The following C8orf34 variants were observed in gnomAD, a reference collection of about 807,000 sequenced individuals.
C8orf34 encodes uncharacterized protein C8orf34.
C8orf34 carries 65 observed loss-of-function variants against 68.3 expected under a neutral mutation model. The ratio of observed to expected loss-of-function variants is 0.95; its 90% CI spans 0.78 to 1.17. The LOEUF is 1.17. C8orf34 is among the 50% of genes most tolerant of loss of function. The probability of loss-of-function intolerance (pLI) is 0.00; values close to 1 mark genes in which losing one functional copy is unlikely to be tolerated. For synonymous variants in C8orf34, 244 were observed against 241.2 expected (o/e 1.01, Z -0.11); for missense variants, 664 against 655.4 (o/e 1.01, Z -0.14).
chr8:68,592,596 C>CTTTTTTTTTT (rs869214252), intron 7 of C8orf34, among the ~76,000 whole-genome samples: 14 of 26,518 alleles, frequency 5.3e-4, no homozygotes, highest in African/African-American at 1.8e-3. Context: ...TTTATCTCTT[C>CTTTTTTTTTT]TTTTTTTTTT....
At chr8:68,801,643 A>T (rs1447549357) in intron 12 of C8orf34, among the ~76,000 whole-genome samples, 4 of 152,150 alleles carry the variant, frequency 2.6e-5, no homozygotes. Flanking sequence ...TTCTTTCACA[A>T]ATATACTCTA....
intron 11 of C8orf34, among the ~76,000 whole-genome samples, chr8:68,787,185 T>C (rs1302809490): frequency 6.6e-6 from 1 of 152,182 alleles, no homozygotes; most frequent in Non-Finnish European, 1.5e-5. Context: ...CATAAAAATA[T>C]TAATTCATAA....
At chr8:68,671,101 G>A (rs762176800) in intron 8 of C8orf34, among the ~76,000 whole-genome samples, 37 of 152,094 alleles carry the variant, frequency 2.4e-4, no homozygotes, top group Admixed American at 9.2e-4. Context: ...CTGTGTCTGG[G>A]CTCACTGCTG....
chr8:68,374,653 T>C (rs893890773), intron 1 of C8orf34, among the ~76,000 whole-genome samples: 3 of 152,336 alleles, frequency 2.0e-5, no homozygotes, highest in African/African-American at 2.4e-5. Context: ...AAGTAAAATA[T>C]ACTAACCAAC....
At chr8:68,766,361 A>G (rs950087919) in intron 10 of C8orf34, among the ~76,000 whole-genome samples, 5 of 152,212 alleles carry the variant, frequency 3.3e-5, no homozygotes, top group Non-Finnish European at 5.9e-5. Context: ...TATGTGACTC[A>G]TATTCATATT....
At chr8:68,463,272 C>T (rs1301803108) in intron 3 of C8orf34, among the ~76,000 whole-genome samples, 2 of 130,646 alleles carry the variant, frequency 1.5e-5, no homozygotes, top group Non-Finnish European at 1.7e-5. Context: ...AGACCAATAA[C>T]AGGCTCTGAA....
chr8:68,535,544 A>G, intron 7 of C8orf34: 1 of 892,094 alleles, frequency 1.1e-6, no homozygotes, highest in Non-Finnish European at 1.3e-6. Context: ...AACTAGTAGA[A>G]GTTAGTAATA....
At chr8:68,396,086 CATTT>C (rs1312851453) in intron 1 of C8orf34, among the ~76,000 whole-genome samples, 3 of 151,918 alleles carry the variant, frequency 2.0e-5, no homozygotes, top group Non-Finnish European at 4.4e-5. Flanking sequence ...AAAATAAAGT[CATTT>C]ATTTATAGCA....
intron 4 of C8orf34, among the ~76,000 whole-genome samples, chr8:68,487,678 A>G (rs1407670265): frequency 6.6e-6 from 1 of 152,210 alleles, no homozygotes; most frequent in Non-Finnish European, 1.5e-5. Flanking sequence ...AAATAGTAAC[A>G]GGCTAAATTA....
At chr8:68,419,738 A>G (rs961121687) in intron 1 of C8orf34, among the ~76,000 whole-genome samples, 7 of 150,480 alleles carry the variant, frequency 4.7e-5, no homozygotes, top group Admixed American at 6.6e-5. Context: ...ACAAAAAACC[A>G]AACACCGCAT....
intron 8 of C8orf34, among the ~76,000 whole-genome samples, chr8:68,686,628 A>G (rs2130893888): frequency 6.6e-6 from 1 of 152,238 alleles, no homozygotes; most frequent in East Asian, 1.9e-4. Context: ...GACTTACCTC[A>G]AAATAATAGA....
chr8:68,667,776 T>C (rs2130831014), intron 8 of C8orf34, among the ~76,000 whole-genome samples: 1 of 152,322 alleles, frequency 6.6e-6, no homozygotes, highest in Non-Finnish European at 1.5e-5. Flanking sequence ...AGCCAATTTC[T>C]AGTCACTAGA....
chr8:68,647,663 T>C (rs931217076), intron 8 of C8orf34, among the ~76,000 whole-genome samples: 1 of 152,114 alleles, frequency 6.6e-6, no homozygotes, highest in Non-Finnish European at 1.5e-5. Context: ...CTCTGTAGAG[T>C]GTTCTGTGCC....
Position 68,776,441 on chromosome 8 carries a change from A to C in C8orf34, c.1447A>C (p.Met483Leu). ...AGTAGGACACTCACTGAAAAACTACATGGAAGAAGTGAGTTTTAAGGTTGC... is the reference window on the plus strand; with the variant it reads ...AGTAGGACACTCACTGAAAAACTACCTGGAAGAAGTGAGTTTTAAGGTTGC... ...SGVGHSLKNY[M>L]EEDESLKQLQ... is the part of the protein sequence containing the mutation. Residue 483 changes from methionine to leucine, a missense_variant, in exon 11 of 14, where the codon ATG becomes CTG. Met to Leu is a conservative substitution (Grantham distance 15). Transcript: ENST00000518698. The C allele has an allele frequency of 6.2e-7, 1 of 1,612,660 alleles. No homozygotes were observed. Among genetic ancestry groups the C allele is most frequent in the Non-Finnish European group, 8.5e-7 (1 of 1,178,848 alleles).
chr8:68,459,106 C>T (rs1179975519), intron 3 of C8orf34, among the ~76,000 whole-genome samples: 1 of 152,094 alleles, frequency 6.6e-6, no homozygotes, highest in Admixed American at 6.5e-5. Context: ...TTAAACTGTA[C>T]CTATTCTTAA....
chr8:68,542,928 G>A (rs913695098), intron 7 of C8orf34, among the ~76,000 whole-genome samples: 1 of 152,028 alleles, frequency 6.6e-6, no homozygotes, highest in African/African-American at 2.4e-5. Context: ...ATCATAAAGA[G>A]TAATACCATC....
intron 9 of C8orf34, among the ~76,000 whole-genome samples, chr8:68,711,257 G>T (rs1821322511): frequency 6.6e-6 from 1 of 152,006 alleles, no homozygotes; most frequent in Non-Finnish European, 1.5e-5. Flanking sequence ...GAGAAAATGA[G>T]GTTCTTTAAC....
chr8:68,613,717 C>T (rs1320972689), intron 7 of C8orf34, among the ~76,000 whole-genome samples: 1 of 151,614 alleles, frequency 6.6e-6, no homozygotes, highest in East Asian at 1.9e-4. Flanking sequence ...GGTTCCAAGT[C>T]TTTGCTATTG....
intron 7 of C8orf34, among the ~76,000 whole-genome samples, chr8:68,539,986 A>C (rs1815640387): frequency 6.6e-6 from 1 of 152,182 alleles, no homozygotes; most frequent in South Asian, 2.1e-4. Flanking sequence ...ATTTTTAAAA[A>C]GAATATTATA....
Sources: allele counts gnomAD v4.1 joint callset (sites outside exome capture counted in the v4.1 genomes callset), GRCh38; gene constraint gnomAD v4.1.1; transcripts MANE v1.5; gene names NCBI Gene and HGNC (gene_info 2026-07-23, HGNC 2026-07-21).